MYO9B: variants seen among roughly 807,000 people sequenced by gnomAD.
MYO9B encodes the protein myosin IXB, also known as unconventional myosin-IXb.
In MYO9B, 71 loss-of-function variants were observed where a neutral mutation model predicts 229.5. The ratio of observed to expected loss-of-function variants is 0.31; its 90% CI spans 0.26 to 0.38. The LOEUF is 0.38. Ranked by LOEUF, MYO9B falls within the 10% of genes least tolerant of loss-of-function variation. MYO9B has a pLI of 1.00. For missense variants in MYO9B, 2,255 were observed against 2,920.5 expected, an observed-to-expected ratio of 0.77 and a Z score of 5.25; for synonymous variants, 1,185 against 1,235.8, an observed-to-expected ratio of 0.96 and a Z score of 0.86.
At chr19:17,076,175 A>C (rs575231538) in intron 1 of MYO9B, among the ~76,000 whole-genome samples, 1 of 150,062 alleles carries the variant, frequency 6.7e-6, no homozygotes, top group African/African-American at 2.5e-5. Flanking sequence ...GGGGGGTCGC[A>C]GGAAACGGCG....
intron 33 of MYO9B, 67 bp downstream of exon 33, chr19:17,206,443 A>C (rs2279002): frequency 1.7e-5 from 27 of 1,566,220 alleles, no homozygotes; most frequent in Non-Finnish European, 2.2e-5. Flanking sequence ...CGCTGTGACC[A>C]GCCCAGGAGG....
Position 17,172,357 on chromosome 19 carries a change from G to C in MYO9B, c.1815G>C (p.Gln605His), listed in dbSNP as rs1181653651. 1.1e-5 allele frequency: 17 copies of C among 1,613,868 alleles called. No individual in the cohort carries two copies. The highest frequency in any genetic ancestry group is 5.3e-5 in the African/African-American group (4 of 74,936). ...EESNFPHATSQTLLAKFKQQH... is the reference protein window; with the variant it reads ...EESNFPHATSHTLLAKFKQQH... Reference sequence around the variant, plus strand: ...CCAGCTTCCCCCACGCCACGAGCCAGACCCTGCTGGCCAAGTTCAAACAGC... The same window carrying C: ...CCAGCTTCCCCCACGCCACGAGCCACACCCTGCTGGCCAAGTTCAAACAGC... Residue 605 changes from glutamine to histidine, a missense_variant, in exon 12 of 40, where the codon CAG becomes CAC. This residue lies in a region of MYO9B where 220 missense variants were observed against 404.5 expected (regional missense o/e 0.54). Coordinates refer to ENST00000682292, the MANE Select transcript of MYO9B (RefSeq NM_004145.4). The surrounding 1 kb of genome is among the most constrained non-coding windows in gnomAD (Gnocchi z 8.2).
rs1357286066 is a variant in MYO9B, at chr19:17,172,310, G to A, written c.1794-26G>A. The A allele has an allele frequency of 1.2e-6, 2 of 1,613,258 alleles. No homozygotes were observed. Among genetic ancestry groups the A allele is most frequent in the South Asian group, 1.1e-5 (1 of 91,020 alleles). On this transcript the variant is annotated intron_variant, in intron 11 of 39. Transcript: ENST00000682292. This position sits in a 1 kb window ranked among gnomAD's most constrained non-coding sequence, Gnocchi z 8.2. The stretch of plus-strand genomic sequence containing the variant: ...GGTAAATCAGCCGCTGTTCATGCCT[G>A]CAAAGGTTCCATGTTCTGTTCCCAG...
intron 2 of MYO9B, among the ~76,000 whole-genome samples, chr19:17,105,497 A>G (rs188881798): frequency 1.8e-3 from 267 of 152,062 alleles, no homozygotes; most frequent in Middle Eastern, 0.01. Context: ...CCTGTCCCCC[A>G]AAAAAAGGGG....
intron 5 of MYO9B, 44 bp downstream of exon 5, chr19:17,154,110 C>A: frequency 6.4e-7 from 1 of 1,555,230 alleles, no homozygotes; most frequent in Non-Finnish European, 8.8e-7. Context: ...CCTCTGTTCC[C>A]GGCCTCAAGC....
At chr19:17,136,638 C>T (rs544925045) in intron 2 of MYO9B, among the ~76,000 whole-genome samples, 2 of 151,994 alleles carry the variant, frequency 1.3e-5, no homozygotes, top group African/African-American at 2.4e-5. Context: ...TGTTCAACAC[C>T]GTGTAGTGCA....
intron 1 of MYO9B, among the ~76,000 whole-genome samples, chr19:17,098,188 G>A (rs1341129422): frequency 3.3e-5 from 5 of 151,948 alleles, no homozygotes; most frequent in African/African-American, 4.8e-5. Flanking sequence ...CCAAGTAGCT[G>A]GGATTACAGG....
At chr19:17,183,002 A>G (rs1283065704) in intron 15 of MYO9B, among the ~76,000 whole-genome samples, 1 of 151,594 alleles carries the variant, frequency 6.6e-6, no homozygotes, top group Admixed American at 6.6e-5. Context: ...GCTCACTGCA[A>G]CCTCCGCCTC....
rs751808879 is a variant in MYO9B at position 17,212,269 on chromosome 19, A to G, written c.6433A>G (p.Thr2145Ala). The part of the protein sequence containing the change: ...GAKRRYSDPP[T>A]YCLPPASGQT... ...CAAGCGGAGGTACTCGGATCCCCCA[A>G]CGTACTGCCTGCCCCCCGCCTCGGG... The change falls in exon 40 of 40, where the codon ACG becomes GCG. Residue 2145 changes from threonine to alanine, a missense_variant. Physicochemically the swap from Thr to Ala is moderately conservative, Grantham distance 58 (BLOSUM62 0). This residue lies in a region of MYO9B where 331 missense variants were observed against 332.5 expected (regional missense o/e 1.00). Transcript: ENST00000682292. The surrounding 1 kb of genome is among the most constrained non-coding windows in gnomAD (Gnocchi z 5.4). 156 of 1,558,990 alleles carry G rather than the reference A, an allele frequency of 1.0e-4. No homozygotes were observed. The highest frequency in any genetic ancestry group is 6.2e-4 in the African/African-American group (45 of 73,006).
rs973862952 is a variant in MYO9B, at chr19:17,157,217, CA to C, written c.1329+180del. 73 of 723,006 alleles carry C rather than the reference CA, an allele frequency of 1.0e-4. 1 individual carries two copies. The highest frequency in any genetic ancestry group is 1.3e-4 in the Non-Finnish European group (61 of 479,188). 44.8% of individuals were successfully genotyped at this position (723,006 alleles called of 1,614,324 possible). Reference sequence around the variant, plus strand: ...CCTCATTTCTGATGAGCTCTGTGGACAGGGGCACCTCCTCCTCCCACCCTCA... The same window carrying C: ...CCTCATTTCTGATGAGCTCTGTGGACGGGGCACCTCCTCCTCCCACCCTCA... On this transcript the variant is annotated intron_variant, in intron 7 of 39. Transcript: ENST00000682292.
chr19:17,144,748 T>C (rs145634213), intron 2 of MYO9B, among the ~76,000 whole-genome samples: 4,770 of 151,748 alleles, frequency 0.031, 247 homozygotes, highest in African/African-American at 0.11. Context: ...GTGGGCGGAT[T>C]GTCTGAGCTC....
intron 1 of MYO9B, among the ~76,000 whole-genome samples, chr19:17,092,517 G>C (rs976109156): frequency 1.3e-5 from 2 of 152,188 alleles, no homozygotes; most frequent in African/African-American, 4.8e-5. Flanking sequence ...CTTGAGGCTA[G>C]AAGTTGGAGA....
intron 2 of MYO9B, among the ~76,000 whole-genome samples, chr19:17,129,736 C>G (rs1023537187): frequency 3.9e-5 from 6 of 152,200 alleles, no homozygotes; most frequent in African/African-American, 7.2e-5. Context: ...TAGTGGGCCA[C>G]TCCTCACCAC....
intron 18 of MYO9B, among the ~76,000 whole-genome samples, chr19:17,187,217 C>T (rs892190729): frequency 2.0e-5 from 3 of 152,206 alleles, no homozygotes; most frequent in South Asian, 2.1e-4. Flanking sequence ...TGGGCCTCCA[C>T]CCAGCTGTTC....
intron 30 of MYO9B, among the ~76,000 whole-genome samples, chr19:17,203,953 A>C (rs1346358568): frequency 6.6e-6 from 1 of 152,042 alleles, no homozygotes; most frequent in Non-Finnish European, 1.5e-5. Flanking sequence ...CAGCTGATCC[A>C]TGCTCACACA....
intron 15 of MYO9B, 72 bp downstream of exon 15, chr19:17,181,112 G>A (rs2072855761): frequency 1.9e-5 from 21 of 1,080,380 alleles, no homozygotes; most frequent in Non-Finnish European, 2.9e-5. Flanking sequence ...CCCCGGCGGG[G>A]CCTGCAGTCT....
At chr19:17,132,497 CTTAT>C (rs1188123681) in intron 2 of MYO9B, among the ~76,000 whole-genome samples, 5 of 137,366 alleles carry the variant, frequency 3.6e-5, no homozygotes, top group East Asian at 2.1e-4. Context: ...TATTTTATTT[CTTAT>C]TTATTTATTT....
chr19:17,134,381 G>GTTTTTTTTTTT (rs869297825), intron 2 of MYO9B, among the ~76,000 whole-genome samples: 11 of 46,476 alleles, frequency 2.4e-4, no homozygotes, highest in South Asian at 2.1e-3. Context: ...CGTTTTGTTT[G>GTTTTTTTTTTT]TTTTTTTTTT....
chr19:17,164,985 C>A (rs1227810755), intron 10 of MYO9B, among the ~76,000 whole-genome samples: 1 of 152,040 alleles, frequency 6.6e-6, no homozygotes, highest in African/African-American at 2.4e-5. Flanking sequence ...CCACCACAGC[C>A]CCCTGAGTAG....
Sources: gnomAD v4.1 joint callset for allele counts (sites outside exome capture counted in the v4.1 genomes callset) on GRCh38, gnomAD v4.1.1 for gene constraint, gnomAD v4.1.1 regional missense constraint, Gnocchi (gnomAD v3.1) non-coding constraint, MANE v1.5 for transcripts, NCBI Gene and HGNC (gene_info 2026-07-23, HGNC 2026-07-21) for gene names.